Variants in WNK3 observed in about 807,000 individuals in gnomAD.
WNK3 encodes the protein serine/threonine-protein kinase WNK3.
In WNK3, 18 loss-of-function variants were observed where a neutral mutation model predicts 116.7. The observed-to-expected ratio is 0.15, with a 90% confidence interval of 0.11 to 0.23. WNK3 has a LOEUF of 0.23. WNK3 is among the 10% of genes least tolerant of loss of function. The pLI is 1.00. For missense variants in WNK3, 993 were observed against 1,323.8 expected (o/e 0.75, Z 3.88); for synonymous variants, 404 against 469.4 (o/e 0.86, Z 1.80).
chrX:54,252,775 A>G (rs1192442842), intron 13 of WNK3, among the ~76,000 whole-genome samples: 1 of 110,918 alleles, frequency 9.0e-6, no homozygotes, highest in South Asian at 3.8e-4. Flanking sequence ...AAACAAGAAC[A>G]GAACTGATGA....
intron 22 of WNK3, among the ~76,000 whole-genome samples, chrX:54,213,709 G>A (rs1405867540): frequency 1.8e-5 from 2 of 109,503 alleles, no homozygotes; most frequent in African/African-American, 6.7e-5. Flanking sequence ...GCAAATACTG[G>A]ATCTTTGTAA....
chrX:54,276,777 C>A (rs953610470), intron 10 of WNK3, among the ~76,000 whole-genome samples: 3 of 107,507 alleles, frequency 2.8e-5, no homozygotes, highest in Admixed American at 1.0e-4. Context: ...TACAGTGGCA[C>A]GATCTCAGCT....
chrX:54,358,199 C>T (rs1194080599), upstream of WNK3, among the ~76,000 whole-genome samples: 1 of 110,979 alleles, frequency 9.0e-6, no homozygotes, highest in Non-Finnish European at 1.9e-5. Context: ...ACGCCTCCCG[C>T]CCCCCTCGGC....
intron 2 of WNK3, among the ~76,000 whole-genome samples, chrX:54,327,839 A>C (rs1252172655): frequency 9.0e-6 from 1 of 110,710 alleles, no homozygotes; most frequent in African/African-American, 3.3e-5. Flanking sequence ...ATGGTGACAC[A>C]CATCTGTGGT....
At chrX:54,346,805 TAATC>T (rs1342421365) in intron 1 of WNK3, among the ~76,000 whole-genome samples, 1 of 111,238 alleles carries the variant, frequency 9.0e-6, no homozygotes, top group Non-Finnish European at 1.9e-5. Context: ...CACAATATAA[TAATC>T]AATAAATGCA....
intron 3 of WNK3, 57 bp from the exon 4 acceptor site, chrX:54,309,372 A>G (rs1184796342): frequency 6.6e-5 from 59 of 898,937 alleles, no homozygotes; most frequent in Admixed American, 2.5e-4. Context: ...TATTATATGA[A>G]CACTATTAAG....
chrX:54,292,773 G>T, intron 10 of WNK3, 115 bp downstream of exon 10: 1 of 657,118 alleles, frequency 1.5e-6, no homozygotes, highest in Non-Finnish European at 2.2e-6. Flanking sequence ...TTTAGCTTTT[G>T]GTGACCTTTC....
At chrX:54,269,523 G>A (rs1557158746) in intron 10 of WNK3, among the ~76,000 whole-genome samples, 7 of 111,528 alleles carry the variant, frequency 6.3e-5, no homozygotes, top group Non-Finnish European at 1.3e-4. Flanking sequence ...ATAAGGTATG[G>A]CTAAAACTAC....
intron 1 of WNK3, among the ~76,000 whole-genome samples, chrX:54,353,255 T>TG (rs1557178778): frequency 9.0e-6 from 1 of 111,250 alleles, no homozygotes. Context: ...GGTCAGGAGT[T>TG]GGAGACCAGC....
At chrX:54,211,477 G>C (rs2067612718) in intron 22 of WNK3, among the ~76,000 whole-genome samples, 1 of 104,147 alleles carries the variant, frequency 9.6e-6, no homozygotes, top group Non-Finnish European at 2.0e-5. Context: ...ATCTCAGACT[G>C]ACTGGATGTT....
At chrX:54,211,944 G>A (rs1328363250) in intron 22 of WNK3, among the ~76,000 whole-genome samples, 1 of 110,315 alleles carries the variant, frequency 9.1e-6, no homozygotes, top group Non-Finnish European at 1.9e-5. Context: ...AGAAAATATA[G>A]GGCCGGGTGC....
In WNK3 at chrX:54,307,911, G is replaced by A; in HGVS notation, c.1089+11C>T. The A allele has an allele frequency of 8.7e-7, 1 of 1,153,862 alleles. No individual in the cohort carries two copies. Reference sequence around the variant, plus strand: ...CAACTGATAAAGTAAAAAGAAAAAAGTTATACCTACACTAGTTACTTTCCG... The same window carrying A: ...CAACTGATAAAGTAAAAAGAAAAAAATTATACCTACACTAGTTACTTTCCG... On this transcript the variant is annotated intron_variant, in intron 5 of 23. Coordinates refer to ENST00000354646, the Ensembl canonical transcript of WNK3.
At chrX:54,255,193 T>C (rs782662724) in intron 12 of WNK3, among the ~76,000 whole-genome samples, 1 of 111,381 alleles carries the variant, frequency 9.0e-6, no homozygotes, top group Non-Finnish European at 1.9e-5. Context: ...TTGGTCAGGC[T>C]GGTCTCGAAC....
chrX:54,272,636 TC>T (rs1293616342), intron 10 of WNK3, among the ~76,000 whole-genome samples: 1 of 111,730 alleles, frequency 9.0e-6, no homozygotes, highest in Non-Finnish European at 1.9e-5. Context: ...ACGTAGAGAA[TC>T]TTTTGCCAAT....
At chrX:54,276,045 A>C (rs1245860238) in intron 10 of WNK3, among the ~76,000 whole-genome samples, 1 of 111,584 alleles carries the variant, frequency 9.0e-6, no homozygotes, top group Non-Finnish European at 1.9e-5. Context: ...AAGTAAAAAA[A>C]AATGACTGTG....
rs145091711 is a variant in WNK3, at chrX:54,314,829, A to G, written c.538-3538T>C. On this transcript the variant is annotated intron_variant, in intron 2 of 23. Coordinates refer to ENST00000354646, the Ensembl canonical transcript of WNK3. The stretch of plus-strand genomic sequence containing the variant: ...TATTTTTCCTTTTTTACTAGTGGAT[A>G]GCCTCCCTTTCCAGACACTCAAGAT... Among the ~76,000 whole-genome samples, 566 of 111,671 alleles carry G rather than the reference A, an allele frequency of 5.1e-3. 6 individuals are homozygous for G. Among genetic ancestry groups the G allele is most frequent in the African/African-American group, 0.018 (552 of 30,783 alleles).
intron 2 of WNK3, among the ~76,000 whole-genome samples, chrX:54,330,914 G>A (rs1396816612): frequency 8.9e-6 from 1 of 111,786 alleles, no homozygotes; most frequent in Non-Finnish European, 1.9e-5. Context: ...TCGAGAGGCT[G>A]AAGTGGGAGA....
intron 21 of WNK3, among the ~76,000 whole-genome samples, chrX:54,232,432 G>A (rs1395741386): frequency 9.0e-6 from 1 of 111,489 alleles, no homozygotes; most frequent in Non-Finnish European, 1.9e-5. Flanking sequence ...GTGAGCCACT[G>A]CGCCTGGCCG....
intron 1 of WNK3, among the ~76,000 whole-genome samples, chrX:54,334,790 C>T (rs181649373): frequency 1.6e-4 from 18 of 112,255 alleles, no homozygotes; most frequent in Admixed American, 5.7e-4. Context: ...CTCAAAACCA[C>T]GTATTCTTTT....
Sources: allele counts gnomAD v4.1 joint callset (sites outside exome capture counted in the v4.1 genomes callset), GRCh38; gene constraint gnomAD v4.1.1; transcripts MANE v1.5; gene names NCBI Gene and HGNC (gene_info 2026-07-23, HGNC 2026-07-21).